SMIM31: variants seen among roughly 807,000 people sequenced by gnomAD.
The protein encoded by SMIM31 is small integral membrane protein 31, also known as human epithelial cell program regulator.
intron 1 of SMIM31, among the ~76,000 whole-genome samples, chr4:164,761,904 C>T (rs182465432): frequency 5.3e-5 from 8 of 151,784 alleles, no homozygotes; most frequent in Admixed American, 5.3e-4. Context: ...GCCTGGGCGA[C>T]AGAGCAAGAC....
At chr4:164,774,860 G>C (rs1732859870) in intron 2 of SMIM31, among the ~76,000 whole-genome samples, 1 of 151,598 alleles carries the variant, frequency 6.6e-6, no homozygotes, top group African/African-American at 2.4e-5. Context: ...CACTTTAGTT[G>C]ATCCATTCCA....
At chr4:164,798,894 A>C (rs1254010052) in intron 2 of SMIM31, among the ~76,000 whole-genome samples, 1 of 152,034 alleles carries the variant, frequency 6.6e-6, no homozygotes, top group African/African-American at 2.4e-5. Flanking sequence ...GGTTCTCATG[A>C]AGTCCGACTG....
chr4:164,792,242 G>T (rs1201634161), intron 2 of SMIM31, among the ~76,000 whole-genome samples: 5 of 152,162 alleles, frequency 3.3e-5, no homozygotes, highest in African/African-American at 1.2e-4. Flanking sequence ...CTTTTTCAAA[G>T]CGGTTTCTTG....
At chr4:164,798,805 G>C (rs1733245294) in intron 2 of SMIM31, among the ~76,000 whole-genome samples, 1 of 152,114 alleles carries the variant, frequency 6.6e-6, no homozygotes, top group Admixed American at 6.5e-5. Flanking sequence ...CCCGGTTGGG[G>C]GTGATTGGAT....
chr4:164,786,475 C>T (rs1012178525), intron 2 of SMIM31, among the ~76,000 whole-genome samples: 6 of 139,524 alleles, frequency 4.3e-5, no homozygotes, highest in African/African-American at 1.7e-4. Flanking sequence ...GCCAGAAACC[C>T]TAGGATTTAT....
chr4:164,795,509 G>A (rs1190792720), intron 2 of SMIM31, among the ~76,000 whole-genome samples: 23 of 138,092 alleles, frequency 1.7e-4, no homozygotes, highest in African/African-American at 5.2e-4. Flanking sequence ...GCAGTGAGGC[G>A]AGATCACGCC....
At position 164,777,516 on chromosome 4, in the gene SMIM31, C is replaced by T. The variant is rs921601186; in HGVS notation, c.112+6961C>T. On this transcript the variant is annotated intron_variant, in intron 2 of 2. Transcript: ENST00000507311. ...ACGCGGCAGTAGCTGCTCTTTCCTGCCTGAATCATATTGCTGTCCACCTGC... is the reference window on the plus strand; with the variant it reads ...ACGCGGCAGTAGCTGCTCTTTCCTGTCTGAATCATATTGCTGTCCACCTGC... Among the ~76,000 whole-genome samples the T allele has an allele frequency of 4.6e-5, 7 of 152,184 alleles. 2 individuals carry two copies. The highest frequency in any genetic ancestry group is 4.6e-4 in the Admixed American group (7 of 15,282).
At chr4:164,756,385 A>G (rs1732561195) in intron 1 of SMIM31, among the ~76,000 whole-genome samples, 1 of 152,044 alleles carries the variant, frequency 6.6e-6, no homozygotes, top group Non-Finnish European at 1.5e-5. Context: ...CCTGGCTAAC[A>G]TGGTGAAACA....
intron 2 of SMIM31, among the ~76,000 whole-genome samples, chr4:164,781,024 G>T (rs1266961240): frequency 1.3e-5 from 2 of 152,024 alleles, no homozygotes; most frequent in Admixed American, 6.6e-5. Flanking sequence ...GCCCAGGCAG[G>T]TCGCAAACTC....
At chr4:164,776,409 G>A (rs1732880486) in intron 2 of SMIM31, among the ~76,000 whole-genome samples, 1 of 152,156 alleles carries the variant, frequency 6.6e-6, no homozygotes, top group Non-Finnish European at 1.5e-5. Context: ...AGGCACTGTA[G>A]AGGCATGGGC....
chr4:164,784,587 T>C (rs1037829876), intron 2 of SMIM31, among the ~76,000 whole-genome samples: 8 of 152,190 alleles, frequency 5.3e-5, no homozygotes, highest in African/African-American at 1.9e-4. Flanking sequence ...TGATTCCTGT[T>C]GAAGGGACTA....
intron 1 of SMIM31, among the ~76,000 whole-genome samples, chr4:164,767,294 C>T (rs1732732540): frequency 6.6e-6 from 1 of 152,134 alleles, no homozygotes; most frequent in African/African-American, 2.4e-5. Flanking sequence ...GAAATAATGA[C>T]ATATCAAGGT....
intron 2 of SMIM31, chr4:164,787,361 G>A (rs1733038200): frequency 2.0e-5 from 3 of 151,636 alleles, no homozygotes; most frequent in African/African-American, 7.3e-5. Context: ...CCTGTGCAAG[G>A]ATGACATGCA....
intron 2 of SMIM31, among the ~76,000 whole-genome samples, chr4:164,773,683 G>A (rs1409730238): frequency 6.6e-6 from 1 of 152,162 alleles, no homozygotes; most frequent in African/African-American, 2.4e-5. Context: ...GATTTGGGTG[G>A]ATGGGGACAC....
In SMIM31 at chr4:164,764,335, G is replaced by C. The variant is rs528522679; in HGVS notation, c.-25-6084G>C. Among the ~76,000 whole-genome samples the C allele has an allele frequency of 1.9e-3, 283 of 152,070 alleles. 1 individual carries two copies. The highest frequency in any genetic ancestry group is 6.5e-3 in the African/African-American group (268 of 41,480). ...TGTAACCTCAGCACTTTGGGAGGCC[G>C]AGGCGGGCAGATCATGAGGTCAAGA... On this transcript the variant is annotated intron_variant, in intron 1 of 2. Transcript: ENST00000507311.
At chr4:164,795,007 C>CTT (rs1296346557) in intron 2 of SMIM31, among the ~76,000 whole-genome samples, 1 of 151,908 alleles carries the variant, frequency 6.6e-6, no homozygotes, top group South Asian at 2.1e-4. Context: ...TCACTTCTTA[C>CTT]TTTACATACT....
intron 2 of SMIM31, among the ~76,000 whole-genome samples, chr4:164,773,615 C>T (rs780335589): frequency 6.6e-6 from 1 of 152,144 alleles, no homozygotes; most frequent in Non-Finnish European, 1.5e-5. Context: ...GATTCTATTA[C>T]CTCCACCTTG....
At chr4:164,772,825 G>A (rs909622175) in intron 2 of SMIM31, among the ~76,000 whole-genome samples, 6 of 151,298 alleles carry the variant, frequency 4.0e-5, no homozygotes, top group African/African-American at 1.2e-4. Context: ...TGATCCGCCC[G>A]CCTCGGCCTC....
At chr4:164,786,796 G>A (rs528759439) in intron 2 of SMIM31, among the ~76,000 whole-genome samples, 28 of 152,228 alleles carry the variant, frequency 1.8e-4, no homozygotes, top group African/African-American at 6.3e-4. Flanking sequence ...CTTTACATTG[G>A]GTCAAAAGGC....
Sources: allele counts gnomAD v4.1 joint callset (sites outside exome capture counted in the v4.1 genomes callset), GRCh38; gene constraint gnomAD v4.1.1; transcripts MANE v1.5; gene names NCBI Gene and HGNC (gene_info 2026-07-23, HGNC 2026-07-21).